Variants in EFCAB10 observed in about 807,000 individuals in gnomAD.
The protein encoded by EFCAB10 is EF-hand calcium binding domain 10, also known as EF-hand calcium-binding domain-containing protein 10.
Under a neutral mutation model 7.7 loss-of-function variants are expected in EFCAB10, and 7 were observed. The observed-to-expected ratio is 0.91, with a 90% confidence interval of 0.52 to 1.72. EFCAB10 has a LOEUF of 1.72. EFCAB10 is among the 40% of genes most tolerant of loss of function. The pLI is 0.00. For synonymous variants in EFCAB10, 52 were observed against 21.0 expected (o/e 2.47, Z -4.03); for missense variants, 112 against 61.5 (o/e 1.82, Z -2.74).
intron 1 of EFCAB10, among the ~76,000 whole-genome samples, chr7:105,579,887 A>G (rs1792179551): frequency 6.6e-6 from 1 of 152,238 alleles, no homozygotes; most frequent in Non-Finnish European, 1.5e-5. Flanking sequence ...CCATACATCC[A>G]CTTCAATAAA....
chr7:105,570,308 T>C (rs1439738143), intron 1 of EFCAB10, among the ~76,000 whole-genome samples: 9 of 132,222 alleles, frequency 6.8e-5, no homozygotes, highest in African/African-American at 2.2e-4. Context: ...CACACACACA[T>C]ATATATAAAT....
chr7:105,570,262 T>C lies in EFCAB10; in HGVS notation c.107-691A>G, dbSNP rs1425798771. On this transcript the variant is annotated intron_variant, in intron 1 of 4. Coordinates refer to ENST00000480514, the MANE Select transcript of EFCAB10 (RefSeq NM_001355526.2). Reference sequence around the variant, plus strand: ...AAAAATATATATATATATATATATATATATATACACACACACACACATACA... The same window carrying C: ...AAAAATATATATATATATATATATACATATATACACACACACACACATACA... 5.2e-3 allele frequency among the ~76,000 whole-genome samples: 470 copies of C among 89,602 alleles called. 4 individuals are homozygous for C. The highest frequency in any genetic ancestry group is 0.015 in the African/African-American group (335 of 22,714). 58.8% of individuals were successfully genotyped at this position (89,602 alleles called of 152,430 possible).
At chr7:105,566,924 T>G in intron 4 of EFCAB10, 1 of 377,242 alleles carries the variant, frequency 2.7e-6, no homozygotes, top group Non-Finnish European at 4.7e-6. Context: ...TACCTTATAG[T>G]AATCTAAAGA....
intron 1 of EFCAB10, among the ~76,000 whole-genome samples, chr7:105,577,854 T>C (rs114599841): frequency 1.3e-3 from 201 of 152,192 alleles, no homozygotes; most frequent in African/African-American, 4.6e-3. Context: ...GAATAACTGA[T>C]TACAAGCATG....
chr7:105,579,055 T>C (rs1037600567), intron 1 of EFCAB10, among the ~76,000 whole-genome samples: 2 of 152,108 alleles, frequency 1.3e-5, no homozygotes, highest in Admixed American at 6.6e-5. Context: ...GGTGTGAGCC[T>C]CCGTGCACAG....
intron 1 of EFCAB10, among the ~76,000 whole-genome samples, chr7:105,580,306 G>T (rs552442046): frequency 5.8e-4 from 88 of 152,122 alleles, no homozygotes; most frequent in Admixed American, 1.0e-3. Context: ...GAATAGCTGG[G>T]ATTACAGGCA....
chr7:105,569,521 T>C lies in EFCAB10; in HGVS notation c.157A>G (p.Lys53Glu), dbSNP rs1026868789. ...AAAGGAAACGCCACGCCTGTTACTT[T>C]TGCAATTCTCAGTCGTTCCAATAGA... ...ISLLERLRIA[K>E]VTGVAFPFFM... The change falls in exon 2 of 5, where the codon AAA becomes GAA. Residue 53 changes from lysine to glutamate, a missense_variant. Lys to Glu is a moderately conservative substitution (Grantham distance 56). Coordinates refer to ENST00000480514, the MANE Select transcript of EFCAB10 (RefSeq NM_001355526.2). 8.5e-5 allele frequency: 60 copies of C among 702,718 alleles called. No individual in the cohort carries two copies. In the African/African-American group the frequency reaches 8.6e-4, roughly 10 times the overall value. The allele number at this position is 702,718 out of a possible 1,614,324, so 43.5% of individuals were successfully genotyped here.
In EFCAB10 at chr7:105,579,734, A is replaced by T. The variant is rs1477671829; in HGVS notation, c.106+1624T>A. On this transcript the variant is annotated intron_variant, in intron 1 of 4. Coordinates refer to ENST00000480514, the MANE Select transcript of EFCAB10 (RefSeq NM_001355526.2). ...AGAGGGAAAAACATTAAGCAGCAGC[A>T]ATATAGGCCTGTTATTTAGAAATCT... 2.0e-5 allele frequency among the ~76,000 whole-genome samples: 3 copies of T among 152,188 alleles called. 1 individual carries two copies. In the South Asian group the frequency reaches 6.2e-4, roughly 32 times the overall value.
intron 1 of EFCAB10, among the ~76,000 whole-genome samples, chr7:105,570,226 AAAAAAAAAAAAAAAATATAT>A (rs1456034757): frequency 9.5e-5 from 6 of 63,250 alleles, no homozygotes; most frequent in African/African-American, 4.1e-4. Flanking sequence ...AAAAAAAAAA[AAAAAAAAAAAAAAAATATAT>A]ATATATATAT....
rs2133475079 is a variant in EFCAB10, at chr7:105,565,289, G to A, written c.*158C>T. On this transcript the variant is annotated 3_prime_UTR_variant, in exon 5 of 5. Coordinates refer to ENST00000480514, the MANE Select transcript of EFCAB10 (RefSeq NM_001355526.2). ...GTGTTTTTTCCAGATGGTTGTCCTT[G>A]CCATCTCAGTCAGAGCAGGCAGTGA... is the stretch of plus-strand genomic sequence containing the variant. The A allele has an allele frequency of 1.3e-6, 2 of 1,590,564 alleles. No individual in the cohort carries two copies. The highest frequency in any genetic ancestry group is 1.7e-6 in the Non-Finnish European group (2 of 1,165,566).
intron 4 of EFCAB10, chr7:105,566,901 A>T (rs1275946765): frequency 3.0e-6 from 1 of 332,684 alleles, no homozygotes; most frequent in Non-Finnish European, 5.4e-6. Flanking sequence ...ACATATTGAA[A>T]TAGGGATCGT....
rs147409665 is a variant in EFCAB10 at position 105,565,340 on chromosome 7, G to A, written c.*107C>T. 15 of 1,614,084 alleles carry A rather than the reference G, an allele frequency of 9.3e-6. No individual in the cohort carries two copies. In the African/African-American group the frequency reaches 1.1e-4, roughly 11 times the overall value. ...TGTCCCTGTCCAGTTCGGCTTGCCC[G>A]TTGCTGCTGACGTTACGAGACCATT... On this transcript the variant is annotated 3_prime_UTR_variant, in exon 5 of 5. Transcript: ENST00000480514.
chr7:105,568,917 T>C (rs1161048904), intron 3 of EFCAB10, among the ~76,000 whole-genome samples: 1 of 138,334 alleles, frequency 7.2e-6, no homozygotes, highest in Non-Finnish European at 1.5e-5. Context: ...GCCACTGCAC[T>C]CCAGCCTGGG....
intron 3 of EFCAB10, 200 bp from the exon 4 acceptor site, chr7:105,567,690 A>T (rs1791828329): frequency 7.9e-6 from 4 of 509,056 alleles, no homozygotes; most frequent in Non-Finnish European, 1.4e-5. Context: ...TTGAATGCAT[A>T]TTTGTAATTG....
chr7:105,567,008 G>C (rs1791787531), intron 4 of EFCAB10: 1 of 540,730 alleles, frequency 1.8e-6, no homozygotes, highest in African/African-American at 2.0e-5. Flanking sequence ...TATTTTTATA[G>C]AGAACATGTG....
At chr7:105,574,161 TACAC>T (rs1347614214) in intron 1 of EFCAB10, among the ~76,000 whole-genome samples, 3 of 131,968 alleles carry the variant, frequency 2.3e-5, no homozygotes, top group Non-Finnish European at 4.8e-5. Context: ...TACATATATA[TACAC>T]ACACACCCAT....
intron 1 of EFCAB10, chr7:105,571,020 G>C (rs973319242): frequency 7.3e-5 from 11 of 150,364 alleles, no homozygotes; most frequent in Admixed American, 7.3e-4. Context: ...ACGAGACTCC[G>C]TTTCAAAAAA....
rs144757671 is a variant in EFCAB10 at position 105,574,216 on chromosome 7, A to G, written c.107-4645T>C. ...CACACGTATATATATAGACACACAC[A>G]CACCCGTATATGTACACACATATAT... On this transcript the variant is annotated intron_variant, in intron 1 of 4. Transcript: ENST00000480514. 1.1e-3 allele frequency among the ~76,000 whole-genome samples: 170 copies of G among 149,606 alleles called. 2 individuals are homozygous for G. Among genetic ancestry groups the G allele is most frequent in the African/African-American group, 4.1e-3 (166 of 40,616 alleles).
chr7:105,581,284 G>C (rs1792227803), intron 1 of EFCAB10, 74 bp downstream of exon 1: 1 of 684,720 alleles, frequency 1.5e-6, no homozygotes, highest in African/African-American at 1.8e-5. Flanking sequence ...AAGCGAATGT[G>C]TAAGAGGGGG....
Sources: gnomAD v4.1 joint callset for allele counts (sites outside exome capture counted in the v4.1 genomes callset) on GRCh38, gnomAD v4.1.1 for gene constraint, MANE v1.5 for transcripts, NCBI Gene and HGNC (gene_info 2026-07-23, HGNC 2026-07-21) for gene names.